The following ABLIM1 variants were observed in gnomAD, a reference collection of about 807,000 sequenced individuals.
ABLIM1 encodes the protein actin binding LIM protein 1.
In ABLIM1, 40 loss-of-function variants were observed where a neutral mutation model predicts 107.0. The observed-to-expected ratio is 0.37, with a 90% CI of 0.29 to 0.49. ABLIM1 has a LOEUF of 0.49. ABLIM1 is among the 20% of genes least tolerant of loss of function. ABLIM1 has a pLI of 0.97. For synonymous variants in ABLIM1, 357 were observed against 357.3 expected, an observed-to-expected ratio of 1.00 and a Z score of 0.01; for missense variants, 857 against 1,008.5, an observed-to-expected ratio of 0.85 and a Z score of 2.04.
At chr10:114,798,479 C>T in the ABLIM1 span, among the ~76,000 whole-genome samples, 1 of 150,974 alleles carries the variant, frequency 6.6e-6, no homozygotes, top group South Asian at 2.1e-4. Flanking sequence ...CACCTGTAAT[C>T]CCAGCACTTT....
rs1758136688 is a variant in ABLIM1 at position 114,434,520 on chromosome 10, T to C, written c.*1740A>G. 6.6e-6 allele frequency: 1 copy of C among 152,176 alleles called. No homozygotes were observed. The highest frequency in any genetic ancestry group is 2.1e-4 in the South Asian group (1 of 4,824). The allele number at this position is 152,176 out of a possible 1,614,324, so 9.4% of individuals were successfully genotyped here. A position where few individuals can be genotyped will look rare whatever the true frequency, so the allele number is the denominator to read the frequency against. ...TCTACTTGCTTTTTTACCACTGGTG[T>C]CAGAGAGACAGCTTGTAATCCTAAT... On this transcript the variant is annotated 3_prime_UTR_variant, in exon 23 of 23. Coordinates refer to ENST00000533213, the MANE Select transcript of ABLIM1 (RefSeq NM_002313.7).
chr10:114,759,068 C>T (rs1240545080), intron 1 of ABLIM1, among the ~76,000 whole-genome samples: 1 of 152,170 alleles, frequency 6.6e-6, no homozygotes, highest in Admixed American at 6.5e-5. Flanking sequence ...ATCAGCAAAT[C>T]ATTTTTGCAT....
chr10:114,484,823 C>G (rs1316224837), intron 8 of ABLIM1, among the ~76,000 whole-genome samples: 1 of 152,250 alleles, frequency 6.6e-6, no homozygotes, highest in Non-Finnish European at 1.5e-5. Context: ...CAAAAATCAA[C>G]TCCAAGACCA....
At chr10:114,500,610 T>C (rs1266713850) in intron 6 of ABLIM1, among the ~76,000 whole-genome samples, 4 of 148,294 alleles carry the variant, frequency 2.7e-5, no homozygotes, top group Non-Finnish European at 5.9e-5. Context: ...AGCCCAGAGG[T>C]TGAGGCTGCA....
intron 1 of ABLIM1, among the ~76,000 whole-genome samples, chr10:114,730,668 T>C (rs897903502): frequency 6.6e-6 from 1 of 152,174 alleles, no homozygotes; most frequent in Non-Finnish European, 1.5e-5. Flanking sequence ...GTTTTTGAGA[T>C]ACAACGTACA....
At chr10:114,618,455 G>A (rs1206130746) in intron 1 of ABLIM1, among the ~76,000 whole-genome samples, 1 of 152,098 alleles carries the variant, frequency 6.6e-6, no homozygotes, top group African/African-American at 2.4e-5. Flanking sequence ...TCTCAGTATT[G>A]TTTTAACTGA....
At chr10:114,776,543 G>A in the ABLIM1 span, among the ~76,000 whole-genome samples, 1,030 of 152,284 alleles carry the variant, frequency 6.8e-3, 14 homozygotes, top group African/African-American at 0.024. Flanking sequence ...AACCCAGGAG[G>A]CAGAGGTTGC....
chr10:114,665,154 A>T (rs1342828045), intron 1 of ABLIM1, among the ~76,000 whole-genome samples: 1 of 151,984 alleles, frequency 6.6e-6, no homozygotes, highest in Non-Finnish European at 1.5e-5. Context: ...GATGTGGTGT[A>T]TGTTTCACAT....
chr10:114,644,302 A>ATATATATATAT (rs1428112465), intron 1 of ABLIM1, among the ~76,000 whole-genome samples: 1 of 72,526 alleles, frequency 1.4e-5, no homozygotes, highest in Non-Finnish European at 2.7e-5. Flanking sequence ...AAAAAAAAAA[A>ATATATATATAT]AAAAATATAT....
chr10:114,545,932 A>C (rs2067270410), intron 5 of ABLIM1, among the ~76,000 whole-genome samples: 1 of 114,906 alleles, frequency 8.7e-6, no homozygotes, highest in Admixed American at 8.3e-5. Flanking sequence ...CCCCATCTCA[A>C]AAAAAAAAAA....
intron 2 of ABLIM1, among the ~76,000 whole-genome samples, chr10:114,583,468 CATATATATATATATATATATAT>C (rs140129654): frequency 0.045 from 668 of 15,010 alleles, 47 homozygotes; most frequent in Middle Eastern, 0.12. Context: ...CACACACACA[CATATATATATATATATATATAT>C]ATATATATAT....
chr10:114,496,713 A>G (rs2059714388), intron 6 of ABLIM1, among the ~76,000 whole-genome samples: 2 of 152,228 alleles, frequency 1.3e-5, no homozygotes, highest in South Asian at 4.1e-4. Context: ...ACCCTAGCCC[A>G]TTGTAATGCC....
chr10:114,621,112 T>A (rs547617798), intron 1 of ABLIM1, among the ~76,000 whole-genome samples: 4 of 152,344 alleles, frequency 2.6e-5, no homozygotes, highest in African/African-American at 9.6e-5. Flanking sequence ...TGCTTCTGTT[T>A]TACCCACTTG....
intron 12 of ABLIM1, among the ~76,000 whole-genome samples, chr10:114,464,123 T>C (rs2064578654): frequency 6.6e-6 from 1 of 151,526 alleles, no homozygotes; most frequent in Non-Finnish European, 1.5e-5. Flanking sequence ...CTCCGGCAAC[T>C]CCATGGCTGG....
Position 114,653,269 on chromosome 10 carries a change from T to C in ABLIM1, c.244+4688A>G, listed in dbSNP as rs570041370. On this transcript the variant is annotated intron_variant, in intron 1 of 22. Coordinates refer to ENST00000533213, the MANE Select transcript of ABLIM1 (RefSeq NM_002313.7). ...TGAAACACTTGGCACAGGCGAGGTATGGTGGCTTGCGCCTGTAATCTCAAC... is the reference window on the plus strand; with the variant it reads ...TGAAACACTTGGCACAGGCGAGGTACGGTGGCTTGCGCCTGTAATCTCAAC... Among the ~76,000 whole-genome samples, 10 of 152,184 alleles carry C rather than the reference T, an allele frequency of 6.6e-5. 1 individual carries two copies. The highest frequency in any genetic ancestry group is 2.4e-4 in the African/African-American group (10 of 41,450).
In ABLIM1 at chr10:114,441,067, G is replaced by T; in HGVS notation, c.2009C>A (p.Thr670Asn). ...GRNGLHRPVS[T>N]DFAQYNSYGD... is the part of the protein sequence containing the mutation. Reference sequence around the variant, plus strand: ...ATAGCTGTTATACTGAGCGAAGTCGGTAGAAACAGGCTGAAATGAGGAAAA... The same window carrying T: ...ATAGCTGTTATACTGAGCGAAGTCGTTAGAAACAGGCTGAAATGAGGAAAA... The change falls in exon 19 of 23, where the codon ACC becomes AAC. Residue 670 changes from threonine (T) to asparagine (N), a missense_variant. Thr to Asn is a moderately conservative substitution (Grantham distance 65, BLOSUM62 0). Coordinates refer to ENST00000533213, the MANE Select transcript of ABLIM1 (RefSeq NM_002313.7). 1.9e-6 allele frequency: 3 copies of T among 1,583,614 alleles called. No homozygotes were observed. Among genetic ancestry groups the T allele is most frequent in the Non-Finnish European group, 2.6e-6 (3 of 1,163,404 alleles).
chr10:114,539,174 G>A (rs1017733232), intron 6 of ABLIM1, among the ~76,000 whole-genome samples: 7 of 152,138 alleles, frequency 4.6e-5, no homozygotes, highest in African/African-American at 1.4e-4. Flanking sequence ...CCTGGCCAAC[G>A]TGGTGAAACC....
At chr10:114,545,885 C>T (rs558140735) in intron 5 of ABLIM1, among the ~76,000 whole-genome samples, 2 of 148,472 alleles carry the variant, frequency 1.3e-5, no homozygotes, top group Admixed American at 6.8e-5. Context: ...GAGCCAAGAT[C>T]GCACCATTGC....
chr10:114,699,828 G>GTTTTC (rs2081272087), intron 1 of ABLIM1, among the ~76,000 whole-genome samples: 1 of 152,154 alleles, frequency 6.6e-6, no homozygotes, highest in African/African-American at 2.4e-5. Context: ...CAGCCCAAAG[G>GTTTTC]ATCCTTGTGG....
Sources: allele counts gnomAD v4.1 joint callset (sites outside exome capture counted in the v4.1 genomes callset), GRCh38; gene constraint gnomAD v4.1.1; transcripts MANE v1.5; gene names NCBI Gene and HGNC (gene_info 2026-07-23, HGNC 2026-07-21).